ZYG11B: variants seen among roughly 807,000 people sequenced by gnomAD.
ZYG11B encodes the protein zyg-11 family member B, cell cycle regulator.
ZYG11B carries 36 observed loss-of-function variants against 82.4 expected under a neutral mutation model. The observed-to-expected ratio is 0.44, with a 90% CI of 0.33 to 0.58. The LOEUF is 0.58. Ranked by LOEUF, ZYG11B falls within the 20% of genes least tolerant of loss-of-function variation. The pLI, the probability that ZYG11B is intolerant of heterozygous loss-of-function variation, is 0.02. For missense variants in ZYG11B, 552 were observed against 895.6 expected (o/e 0.62, Z 4.90); for synonymous variants, 303 against 312.8 (o/e 0.97, Z 0.33).
At chr1:52,744,160 C>T (rs964108476) in intron 1 of ZYG11B, among the ~76,000 whole-genome samples, 40 of 152,232 alleles carry the variant, frequency 2.6e-4, no homozygotes, top group African/African-American at 8.4e-4. Flanking sequence ...TGGTCTCAAA[C>T]TCCTAACCTT....
intron 3 of ZYG11B, among the ~76,000 whole-genome samples, chr1:52,774,587 G>A (rs1467302693): frequency 4.8e-5 from 7 of 145,662 alleles, no homozygotes; most frequent in South Asian, 2.2e-4. Context: ...GATTACAGGC[G>A]TGAGCCACTG....
chr1:52,730,857 ATAG>A (rs1405185372), intron 1 of ZYG11B, among the ~76,000 whole-genome samples: 8 of 151,118 alleles, frequency 5.3e-5, no homozygotes, highest in African/African-American at 1.7e-4. Context: ...AAAAAAAAAA[ATAG>A]AAAGGAAAGA....
chr1:52,762,976 TGGGGGGGG>T (rs34535989), intron 2 of ZYG11B, among the ~76,000 whole-genome samples: 3 of 103,060 alleles, frequency 2.9e-5, no homozygotes, highest in Admixed American at 9.7e-5. Flanking sequence ...GGTGAGAGAT[TGGGGGGGG>T]GGGGTCTAGT....
chr1:52,826,570 A>T lies in ZYG11B; in HGVS notation c.*4941A>T, dbSNP rs892152959. 1 of 152,170 alleles carries T rather than the reference A, an allele frequency of 6.6e-6. No individual in the cohort carries two copies. The highest frequency in any genetic ancestry group is 2.4e-5 in the African/African-American group (1 of 41,444). 9.4% of individuals were successfully genotyped at this position (152,170 alleles called of 1,614,324 possible). A position where few individuals can be genotyped will look rare whatever the true frequency, so the allele number is the denominator to read the frequency against. ...TGCATTCTTTGGTTTCCAAATCTTA[A>T]TCTAAGATACTTTGTTAACTGACTG... On this transcript the variant is annotated 3_prime_UTR_variant, in exon 14 of 14. Transcript: ENST00000294353.
intron 2 of ZYG11B, among the ~76,000 whole-genome samples, chr1:52,765,866 A>G (rs1424887002): frequency 6.6e-6 from 1 of 152,154 alleles, no homozygotes; most frequent in African/African-American, 2.4e-5. Flanking sequence ...TATTCCAGTG[A>G]CACAAATATA....
chr1:52,772,466 T>A, intron 3 of ZYG11B: 1 of 1,583,656 alleles, frequency 6.3e-7, no homozygotes, highest in Non-Finnish European at 8.7e-7. Flanking sequence ...AACGTACTTG[T>A]GCAACACCAT....
At position 52,824,196 on chromosome 1, in the gene ZYG11B, G is replaced by C. The variant is rs1645307014; in HGVS notation, c.*2567G>C. On this transcript the variant is annotated 3_prime_UTR_variant, in exon 14 of 14. Coordinates refer to ENST00000294353, the MANE Select transcript of ZYG11B (RefSeq NM_024646.3). ...TGTAGAGACAGAGTTTCACTCTGTC[G>C]CCCAAGCTGGAGTGCAGTGGCACAA... 1 of 151,726 alleles carries C rather than the reference G, an allele frequency of 6.6e-6. No individual in the cohort carries two copies. Among genetic ancestry groups the C allele is most frequent in the Admixed American group, 6.6e-5 (1 of 15,244 alleles). The allele number at this position is 151,726 out of a possible 1,614,324, so 9.4% of individuals were successfully genotyped here.
chr1:52,802,464 A>G (rs1047498186), intron 10 of ZYG11B, among the ~76,000 whole-genome samples: 7 of 147,614 alleles, frequency 4.7e-5, no homozygotes, highest in African/African-American at 1.8e-4. Context: ...AGTTCCCCCA[A>G]CTCAGTCTCC....
At chr1:52,734,316 T>C (rs1049558037) in intron 1 of ZYG11B, among the ~76,000 whole-genome samples, 1 of 152,078 alleles carries the variant, frequency 6.6e-6, no homozygotes, top group African/African-American at 2.4e-5. Flanking sequence ...TGTAATGATG[T>C]GAGCCTGTAG....
At chr1:52,778,643 T>C (rs1195363494) in intron 3 of ZYG11B, among the ~76,000 whole-genome samples, 2 of 152,160 alleles carry the variant, frequency 1.3e-5, no homozygotes, top group Non-Finnish European at 2.9e-5. Context: ...TATCAATTCA[T>C]TGGGGATTAT....
rs78463351 is a variant in ZYG11B, at chr1:52,738,057, C to T, written c.30+11374C>T. Among the ~76,000 whole-genome samples, 761 of 152,300 alleles carry T rather than the reference C, an allele frequency of 5.0e-3. 5 individuals carry two copies. The highest frequency in any genetic ancestry group is 0.018 in the African/African-American group (734 of 41,560). On this transcript the variant is annotated intron_variant, in intron 1 of 13. Coordinates refer to ENST00000294353, the MANE Select transcript of ZYG11B (RefSeq NM_024646.3). ...TTTGAGATGAATTGCGAAGCAGTAT[C>T]CCTTTGTATAAACACTTGAAAGTCA... is the stretch of plus-strand genomic sequence containing the variant.
At chr1:52,751,087 C>T (rs1440258103) in intron 1 of ZYG11B, among the ~76,000 whole-genome samples, 1 of 152,064 alleles carries the variant, frequency 6.6e-6, no homozygotes, top group Non-Finnish European at 1.5e-5. Context: ...CTCACTGTAA[C>T]CTCCCACTTC....
At chr1:52,765,956 TAGTTCACC>T (rs1383370078) in intron 2 of ZYG11B, among the ~76,000 whole-genome samples, 1 of 152,158 alleles carries the variant, frequency 6.6e-6, no homozygotes, top group Non-Finnish European at 1.5e-5. Flanking sequence ...TTTTATCTTC[TAGTTCACC>T]AGTCTTTTTT....
At chr1:52,803,490 A>G (rs1457762973) in intron 10 of ZYG11B, among the ~76,000 whole-genome samples, 1 of 149,690 alleles carries the variant, frequency 6.7e-6, no homozygotes, top group African/African-American at 2.4e-5. Context: ...GTGTGTATAT[A>G]TATATTTATA....
intron 8 of ZYG11B, among the ~76,000 whole-genome samples, chr1:52,798,806 G>A (rs530144393): frequency 3.3e-5 from 5 of 152,208 alleles, no homozygotes; most frequent in Non-Finnish European, 7.4e-5. Context: ...TTTAAAGGGA[G>A]TAGATATAAA....
chr1:52,814,254 C>T (rs1028034230), intron 12 of ZYG11B, among the ~76,000 whole-genome samples: 4 of 152,190 alleles, frequency 2.6e-5, no homozygotes, highest in African/African-American at 9.7e-5. Context: ...CTCCTGACCT[C>T]AGGTGATCTG....
At chr1:52,766,784 G>A (rs1283091393) in intron 2 of ZYG11B, among the ~76,000 whole-genome samples, 2 of 152,064 alleles carry the variant, frequency 1.3e-5, no homozygotes, top group Admixed American at 6.6e-5. Context: ...CGAGGCGGGC[G>A]GATCACGAGG....
At position 52,783,805 on chromosome 1, in the gene ZYG11B, T is replaced by TACACAC. The variant is rs144122989; in HGVS notation, c.1093-1067_1093-1062dup. Among the ~76,000 whole-genome samples, 450 of 135,010 alleles carry TACACAC rather than the reference T, an allele frequency of 3.3e-3. 2 individuals carry two copies. Among genetic ancestry groups the TACACAC allele is most frequent in the African/African-American group, 0.011 (391 of 35,184 alleles). The allele number at this position is 135,010 out of a possible 152,430, so 88.6% of individuals were successfully genotyped here. A position where few individuals can be genotyped will look rare whatever the true frequency, so the allele number is the denominator to read the frequency against. ...GCCCAGCTTTATATATATATATATA[T>TACACAC]ACACACACACGTATATGTATACATA... On this transcript the variant is annotated intron_variant, in intron 4 of 13. Transcript: ENST00000294353.
chr1:52,816,504 C>G (rs1338623095), intron 12 of ZYG11B, 28 bp from the exon 13 acceptor site: 1 of 1,502,272 alleles, frequency 6.7e-7, no homozygotes, highest in Non-Finnish European at 9.1e-7. Context: ...TGGGATGTAA[C>G]TTTGATTCTT....
Sources: allele counts gnomAD v4.1 joint callset (sites outside exome capture counted in the v4.1 genomes callset), GRCh38; gene constraint gnomAD v4.1.1; transcripts MANE v1.5; gene names NCBI Gene and HGNC (gene_info 2026-07-23, HGNC 2026-07-21).